MEGF11: variants seen among roughly 807,000 people sequenced by gnomAD.
MEGF11 encodes the protein multiple epidermal growth factor-like domains protein 11.
A neutral mutation model predicts 146.6 loss-of-function variants in MEGF11; 126 were observed. The ratio of observed to expected loss-of-function variants is 0.86; its 90% confidence interval spans 0.74 to 1.00. The LOEUF is 1.00. Among genes scored for constraint, MEGF11 ranks in the 50% least tolerant of loss-of-function variants. The pLI, the probability that MEGF11 is intolerant of heterozygous loss-of-function variation, is 0.00. For synonymous variants in MEGF11, 532 were observed against 583.4 expected (o/e 0.91, Z 1.27); for missense variants, 1,509 against 1,521.2 (o/e 0.99, Z 0.13).
intron 5 of MEGF11, among the ~76,000 whole-genome samples, chr15:66,009,120 C>G (rs1330911479): frequency 6.6e-6 from 1 of 152,052 alleles, no homozygotes; most frequent in South Asian, 2.1e-4. Flanking sequence ...CTTGCATGTA[C>G]AAGATCTTGC....
At chr15:65,989,204 G>A (rs1001639222) in intron 5 of MEGF11, among the ~76,000 whole-genome samples, 2 of 152,160 alleles carry the variant, frequency 1.3e-5, no homozygotes, top group African/African-American at 4.8e-5. Context: ...TGGAGGTGGG[G>A]TGGGAGAGAA....
chr15:66,093,889 T>C (rs1304936369), intron 5 of MEGF11, among the ~76,000 whole-genome samples: 3 of 152,098 alleles, frequency 2.0e-5, no homozygotes, highest in African/African-American at 7.2e-5. Context: ...CCCACAAAAA[T>C]GTAGGAACAC....
chr15:66,027,467 C>G (rs572076158), intron 5 of MEGF11, among the ~76,000 whole-genome samples: 1 of 152,204 alleles, frequency 6.6e-6, no homozygotes, highest in Admixed American at 6.5e-5. Flanking sequence ...CACTGTGCAC[C>G]GTAACATTTG....
In MEGF11 at chr15:66,244,521, T is replaced by C. The variant is rs559486346; in HGVS notation, c.-9+9084A>G. Among the ~76,000 whole-genome samples, 52 of 152,152 alleles carry C rather than the reference T, an allele frequency of 3.4e-4. 1 individual carries two copies. Among genetic ancestry groups the C allele is most frequent in the South Asian group, 6.2e-4 (3 of 4,816 alleles). On this transcript the variant is annotated intron_variant, in intron 1 of 25. Transcript: ENST00000395614. ...GTCGGGAGAACTTCAGGAAGATGTA[T>C]GCAATAGAAAACATAGAGGAAAGAA... is the stretch of plus-strand genomic sequence containing the variant.
rs566138703 is a variant in MEGF11, at chr15:66,031,195, T to C, written c.395-48707A>G. 4.6e-5 allele frequency among the ~76,000 whole-genome samples: 7 copies of C among 152,328 alleles called. No homozygotes were observed. In the South Asian group the frequency reaches 8.3e-4, roughly 18 times the overall value. ...TACCCAAGTAAAGGTCCCTTCACTT[T>C]TTCCATGAAGCACAGCCCATCCTAG... On this transcript the variant is annotated intron_variant, in intron 5 of 25. Coordinates refer to ENST00000395614, the MANE Select transcript of MEGF11 (RefSeq NM_001385028.1).
intron 4 of MEGF11, among the ~76,000 whole-genome samples, chr15:66,113,605 GAGTC>G (rs1227127706): frequency 6.6e-6 from 1 of 152,186 alleles, no homozygotes; most frequent in Non-Finnish European, 1.5e-5. Flanking sequence ...TTCGCAAACT[GAGTC>G]AGTAAAGAAA....
At chr15:66,020,363 C>G (rs1301360377) in intron 5 of MEGF11, among the ~76,000 whole-genome samples, 1 of 152,182 alleles carries the variant, frequency 6.6e-6, no homozygotes, top group Non-Finnish European at 1.5e-5. Flanking sequence ...ACAAAGCCAA[C>G]ACAAAGGAAA....
chr15:66,148,046 G>T (rs2089437700), intron 1 of MEGF11, among the ~76,000 whole-genome samples: 1 of 152,112 alleles, frequency 6.6e-6, no homozygotes, highest in African/African-American at 2.4e-5. Context: ...CCGGAGAGGG[G>T]GAAAAGGCCG....
chr15:66,204,679 A>C (rs143399443), intron 1 of MEGF11, among the ~76,000 whole-genome samples: 76 of 152,324 alleles, frequency 5.0e-4, no homozygotes, highest in African/African-American at 1.8e-3. Context: ...ATGCAGAAGC[A>C]CACAGCACCC....
intron 5 of MEGF11, among the ~76,000 whole-genome samples, chr15:66,053,119 G>C (rs1433062348): frequency 6.6e-6 from 1 of 152,102 alleles, no homozygotes; most frequent in Non-Finnish European, 1.5e-5. Flanking sequence ...TGAATGGGTG[G>C]GTGGGCCAGT....
chr15:65,990,693 GAGAAAGAAAGAAAGGAAGGAAGAAAGAA>G (rs1389958883), intron 5 of MEGF11, among the ~76,000 whole-genome samples: 1 of 129,230 alleles, frequency 7.7e-6, no homozygotes, highest in African/African-American at 3.1e-5. Flanking sequence ...AAGAAAGGAA[GAGAAAGAAAGAAAGGAAGGAAGAAAGAA>G]AGAAAGAAAG....
intron 1 of MEGF11, among the ~76,000 whole-genome samples, chr15:66,190,369 T>C (rs72744484): frequency 3.3e-5 from 5 of 152,236 alleles, no homozygotes; most frequent in Non-Finnish European, 5.9e-5. Flanking sequence ...CCTGAGTCAC[T>C]AGGACCGCAG....
chr15:66,043,583 C>A (rs1326625256), intron 5 of MEGF11, among the ~76,000 whole-genome samples: 1 of 152,232 alleles, frequency 6.6e-6, no homozygotes, highest in Non-Finnish European at 1.5e-5. Context: ...CCCAGATGAC[C>A]ACAACAGAAA....
chr15:66,132,477 T>C (rs2088687494), intron 1 of MEGF11, among the ~76,000 whole-genome samples: 1 of 152,236 alleles, frequency 6.6e-6, no homozygotes, highest in Non-Finnish European at 1.5e-5. Context: ...GCCTGCTCTC[T>C]GTCAATCCCA....
At chr15:66,104,900 CTTCCTT>C (rs1400858930) in intron 4 of MEGF11, among the ~76,000 whole-genome samples, 2 of 152,182 alleles carry the variant, frequency 1.3e-5, no homozygotes, top group Non-Finnish European at 2.9e-5. Context: ...TCCTCCTCCT[CTTCCTT>C]GGAGCCAGAA....
chr15:66,060,477 C>G (rs1268837625), intron 5 of MEGF11, among the ~76,000 whole-genome samples: 1 of 152,240 alleles, frequency 6.6e-6, no homozygotes, highest in Non-Finnish European at 1.5e-5. Flanking sequence ...CCAGCCTCCA[C>G]GCCTTTGCGC....
chr15:66,248,561 C>A (rs762898943), intron 1 of MEGF11, among the ~76,000 whole-genome samples: 4 of 152,202 alleles, frequency 2.6e-5, no homozygotes, highest in Admixed American at 1.3e-4. Context: ...GGGATATATT[C>A]CCTGAAGGCA....
chr15:66,007,338 G>A (rs1055022433), intron 5 of MEGF11, among the ~76,000 whole-genome samples: 1 of 152,192 alleles, frequency 6.6e-6, no homozygotes, highest in East Asian at 1.9e-4. Context: ...TATTCCAGAG[G>A]CAAGTGAAAT....
At chr15:66,250,480 C>A (rs1261813137) in intron 1 of MEGF11, among the ~76,000 whole-genome samples, 1 of 152,234 alleles carries the variant, frequency 6.6e-6, no homozygotes, top group Non-Finnish European at 1.5e-5. Context: ...CTCCTCCTGT[C>A]TGATTCATTG....
Sources: gnomAD v4.1 joint callset for allele counts (sites outside exome capture counted in the v4.1 genomes callset) on GRCh38, gnomAD v4.1.1 for gene constraint, MANE v1.5 for transcripts, NCBI Gene and HGNC (gene_info 2026-07-23, HGNC 2026-07-21) for gene names.